Variants in AOPEP observed in about 807,000 individuals in gnomAD.
AOPEP encodes aminopeptidase O (putative), also known as aminopeptidase O.
AOPEP carries 77 observed loss-of-function variants against 98.1 expected under a neutral mutation model. That is an observed-to-expected ratio of 0.78 (90% confidence interval 0.65 to 0.95). The LOEUF (loss-of-function observed/expected upper bound fraction) is 0.95, where lower values mean the gene tolerates loss of function less well. Ranked by LOEUF, AOPEP falls within the 40% of genes least tolerant of loss-of-function variation. The probability of loss-of-function intolerance (pLI) is 0.00; values close to 1 mark genes in which losing one functional copy is unlikely to be tolerated. For missense variants in AOPEP, 1,024 were observed against 1,024.7 expected (o/e 1.00, Z 0.01); for synonymous variants, 346 against 365.3 (o/e 0.95, Z 0.60).
chr9:94,766,724 T>C (rs998106693), intron 2 of AOPEP, among the ~76,000 whole-genome samples: 1 of 152,180 alleles, frequency 6.6e-6, no homozygotes, highest in Non-Finnish European at 1.5e-5. Context: ...AGAAAAACTA[T>C]AGCTATTTGG....
At chr9:95,024,543 G>A (rs980444965) in intron 13 of AOPEP, among the ~76,000 whole-genome samples, 4 of 152,214 alleles carry the variant, frequency 2.6e-5, no homozygotes, top group Non-Finnish European at 5.9e-5. Context: ...TCTGACCCCT[G>A]TGTGAGTACC....
the AOPEP span, among the ~76,000 whole-genome samples, chr9:95,121,008 C>T: frequency 1.3e-5 from 2 of 152,178 alleles, no homozygotes; most frequent in Admixed American, 1.3e-4. Flanking sequence ...TGGGGGGAGG[C>T]AGGAGACCTC....
chr9:95,126,751 G>T, the AOPEP span: 247 of 663,030 alleles, frequency 3.7e-4, 2 homozygotes, highest in Non-Finnish European at 1.4e-5. Context: ...CCACATACAA[G>T]TGCATACGGT....
At chr9:94,863,443 G>T (rs1038075746) in intron 5 of AOPEP, among the ~76,000 whole-genome samples, 1 of 152,092 alleles carries the variant, frequency 6.6e-6, no homozygotes, top group Non-Finnish European at 1.5e-5. Context: ...ACCACGCCTG[G>T]CTAATTTTTT....
chr9:95,141,985 G>GGTT, the AOPEP span, among the ~76,000 whole-genome samples: 1 of 83,138 alleles, frequency 1.2e-5, no homozygotes, highest in African/African-American at 4.8e-5. Context: ...AGTTTGTGGG[G>GGTT]TTTTTTTTTT....
In AOPEP at chr9:94,770,136, A is replaced by G. The variant is rs117435976; in HGVS notation, c.798-2866A>G. ...GGAAAACATCCTTTCTGTGTCCATAAAAGTGTCGTCTGTCATGTGCTTATG... is the reference window on the plus strand; with the variant it reads ...GGAAAACATCCTTTCTGTGTCCATAGAAGTGTCGTCTGTCATGTGCTTATG... On this transcript the variant is annotated intron_variant, in intron 2 of 16. Transcript: ENST00000375315. 6.6e-5 allele frequency among the ~76,000 whole-genome samples: 10 copies of G among 152,324 alleles called. No homozygotes were observed. In the East Asian group the frequency reaches 1.9e-3, roughly 29 times the overall value.
chr9:94,964,120 C>T (rs2059031243), intron 9 of AOPEP, among the ~76,000 whole-genome samples: 1 of 152,150 alleles, frequency 6.6e-6, no homozygotes, highest in Non-Finnish European at 1.5e-5. Context: ...AAAGACATTC[C>T]CATAGCCTGT....
In AOPEP at chr9:94,984,811, G is replaced by C. The variant is rs1465199768; in HGVS notation, c.1977+5384G>C. 2.6e-5 allele frequency among the ~76,000 whole-genome samples: 4 copies of C among 152,340 alleles called. No individual in the cohort carries two copies. In the East Asian group the frequency reaches 7.7e-4, roughly 29 times the overall value. On this transcript the variant is annotated intron_variant, in intron 11 of 16. Coordinates refer to ENST00000375315, the MANE Select transcript of AOPEP (RefSeq NM_001193329.3). ...ATGCCTTAAAGTCACCCACAGAATA[G>C]ATATGAGTGAAATCGTCTGTATTTT... is the stretch of plus-strand genomic sequence containing the variant.
At chr9:94,954,971 T>G (rs2058354865) in intron 7 of AOPEP, among the ~76,000 whole-genome samples, 1 of 152,194 alleles carries the variant, frequency 6.6e-6, no homozygotes, top group Non-Finnish European at 1.5e-5. Flanking sequence ...GTAAAATATT[T>G]GCCAATAGCC....
chr9:95,090,303 A>ATGCC (rs1481415894), downstream of AOPEP, among the ~76,000 whole-genome samples: 3 of 152,246 alleles, frequency 2.0e-5, no homozygotes, highest in Non-Finnish European at 4.4e-5. Flanking sequence ...GAACAAACGG[A>ATGCC]TGCCGGGTCC....
chr9:94,796,177 G>A (rs546598865), intron 4 of AOPEP, among the ~76,000 whole-genome samples: 82 of 152,350 alleles, frequency 5.4e-4, no homozygotes, highest in Middle Eastern at 3.4e-3. Context: ...GCCACTCTAG[G>A]GAAGCGCGTC....
At chr9:95,103,050 C>T in the AOPEP span, among the ~76,000 whole-genome samples, 13 of 152,242 alleles carry the variant, frequency 8.5e-5, no homozygotes, top group Admixed American at 3.3e-4. Flanking sequence ...TGATGGCCTT[C>T]GGTAGATGCA....
At chr9:95,125,582 A>C in the AOPEP span, among the ~76,000 whole-genome samples, 1 of 152,202 alleles carries the variant, frequency 6.6e-6, no homozygotes, top group African/African-American at 2.4e-5. Flanking sequence ...GTAGGAAAAT[A>C]ATGTGTGTGT....
chr9:95,148,395 G>T, the AOPEP span, among the ~76,000 whole-genome samples: 2 of 152,182 alleles, frequency 1.3e-5, no homozygotes, highest in Non-Finnish European at 2.9e-5. Context: ...ACAGGCAGTG[G>T]TCAGTCACAT....
At chr9:94,790,267 A>T (rs897504444) in intron 3 of AOPEP, among the ~76,000 whole-genome samples, 4 of 146,434 alleles carry the variant, frequency 2.7e-5, no homozygotes, top group South Asian at 2.2e-4. Context: ...CCCAGGTTCA[A>T]GCTATTCTCC....
intron 13 of AOPEP, among the ~76,000 whole-genome samples, chr9:95,032,210 C>T (rs2064371915): frequency 6.6e-6 from 1 of 152,220 alleles, no homozygotes; most frequent in South Asian, 2.1e-4. Flanking sequence ...CCACCTGCTT[C>T]TGGCCCTTCC....
Position 94,943,598 on chromosome 9 carries a change from A to G in AOPEP, c.1662-11579A>G, listed in dbSNP as rs13291618. Among the ~76,000 whole-genome samples, 351 of 139,530 alleles carry G rather than the reference A, an allele frequency of 2.5e-3. 1 individual carries two copies. Among genetic ancestry groups the G allele is most frequent in the East Asian group, 0.018 (90 of 4,904 alleles). The allele number at this position is 139,530 out of a possible 152,430, so 91.5% of individuals were successfully genotyped here. On this transcript the variant is annotated intron_variant, in intron 7 of 16. Transcript: ENST00000375315. ...GACAGAGTGGGACTCCATCTCAAATAAAAAAAAAAAAGAAAAAAGAAAAAA... is the reference window on the plus strand; with the variant it reads ...GACAGAGTGGGACTCCATCTCAAATGAAAAAAAAAAAGAAAAAAGAAAAAA...
In AOPEP at chr9:94,953,192, C is replaced by G. The variant is rs1268141501; in HGVS notation, c.1662-1985C>G. On this transcript the variant is annotated intron_variant, in intron 7 of 16. Transcript: ENST00000375315. ...TATCAAAGCTAGTGTGGCTTTCTTACAAAAACATTGCATGGCAGGACAAAC... is the reference window on the plus strand; with the variant it reads ...TATCAAAGCTAGTGTGGCTTTCTTAGAAAAACATTGCATGGCAGGACAAAC... Among the ~76,000 whole-genome samples the G allele has an allele frequency of 2.0e-5, 3 of 152,150 alleles. No homozygotes were observed. The East Asian group carries it at 5.8e-4, about 29-fold the overall frequency.
rs188428818 is a variant in AOPEP, at chr9:95,008,641, T to C, written c.2115+3025T>C. Among the ~76,000 whole-genome samples, 6 of 152,210 alleles carry C rather than the reference T, an allele frequency of 3.9e-5. No homozygotes were observed. The East Asian group carries it at 5.8e-4, about 15-fold the overall frequency. On this transcript the variant is annotated intron_variant, in intron 13 of 16. Coordinates refer to ENST00000375315, the MANE Select transcript of AOPEP (RefSeq NM_001193329.3). Reference sequence around the variant, plus strand: ...TAACGAATAGTGAAATAAAGTAAATTGGGGACTGAGATGTACCATGCAGAT... The same window carrying C: ...TAACGAATAGTGAAATAAAGTAAATCGGGGACTGAGATGTACCATGCAGAT...
Sources: gnomAD v4.1 joint callset for allele counts (sites outside exome capture counted in the v4.1 genomes callset) on GRCh38, gnomAD v4.1.1 for gene constraint, MANE v1.5 for transcripts, NCBI Gene and HGNC (gene_info 2026-07-23, HGNC 2026-07-21) for gene names.